The following GLI2 variants were observed in gnomAD, a reference collection of about 807,000 sequenced individuals.
GLI2 encodes the protein GLI family zinc finger 2.
In GLI2, 22 loss-of-function variants were observed where a neutral mutation model predicts 78.9. That is an observed-to-expected ratio of 0.28 (90% CI 0.20 to 0.40). The LOEUF (loss-of-function observed/expected upper bound fraction) is 0.40, where lower values mean the gene tolerates loss of function less well. Among genes scored for constraint, GLI2 ranks in the 10% least tolerant of loss-of-function variants. GLI2 has a pLI of 1.00. For missense variants in GLI2, 2,097 were observed against 2,213.2 expected (o/e 0.95, Z 1.05); for synonymous variants, 974 against 963.7 (o/e 1.01, Z -0.20).
At position 120,982,864 on chromosome 2, in the gene GLI2, G is replaced by A; in HGVS notation, c.1616G>A (p.Arg539His). Residue 539 changes from arginine to histidine, a missense_variant, in exon 11 of 14, where the codon CGC (arginine) becomes CAC (histidine). By Grantham distance (29) the Arg-to-His change is conservative. Around this residue, in one of 5 missense-constraint regions of GLI2, gnomAD observed 104 missense variants for 190.6 expected, o/e 0.55. Transcript: ENST00000361492. ...NASDRAKHQN[R>H]THSNEKPYIC... ...TCGGACCGCGCCAAGCACCAGAATC[G>A]CACCCACTCCAACGAGGTACCTCTG... is the stretch of plus-strand genomic sequence containing the variant. 5.6e-6 allele frequency: 9 copies of A among 1,613,972 alleles called. No individual in the cohort carries two copies. The highest frequency in any genetic ancestry group is 7.6e-6 in the Non-Finnish European group (9 of 1,179,928).
chr2:120,772,456 G>A (rs1180952443), intron 1 of GLI2, among the ~76,000 whole-genome samples: 5 of 152,138 alleles, frequency 3.3e-5, no homozygotes, highest in African/African-American at 4.8e-5. Context: ...GTGGAGCCTC[G>A]CAGCCAGGGA....
intron 12 of GLI2, among the ~76,000 whole-genome samples, chr2:120,985,036 C>A (rs976491702): frequency 1.3e-5 from 2 of 152,186 alleles, no homozygotes; most frequent in East Asian, 3.9e-4. Context: ...GTGGCCCCTG[C>A]AAGTCTGCCT....
rs146559670 is a variant in GLI2, at chr2:120,738,260, A to G, written c.-31+1975A>G. Among the ~76,000 whole-genome samples the G allele has an allele frequency of 1.7e-3, 266 of 152,222 alleles. 1 individual carries two copies. The highest frequency in any genetic ancestry group is 5.0e-3 in the African/African-American group (209 of 41,542). On this transcript the variant is annotated intron_variant, in intron 1 of 13. Coordinates refer to ENST00000361492, the MANE Select transcript of GLI2 (RefSeq NM_001374353.1). ...CAGGGGCCTTCTCTTCTTTTTGACT[A>G]TGCTTCTTGTGCCTCTTTCTTCATC...
chr2:120,923,949 C>G (rs1161549544), intron 2 of GLI2, among the ~76,000 whole-genome samples: 3 of 152,184 alleles, frequency 2.0e-5, no homozygotes, highest in African/African-American at 7.2e-5. Flanking sequence ...TGGCAAACCA[C>G]TGAAGCTCAC....
chr2:120,803,591 G>C (rs1401624549), intron 2 of GLI2, among the ~76,000 whole-genome samples: 1 of 152,194 alleles, frequency 6.6e-6, no homozygotes, highest in Non-Finnish European at 1.5e-5. Context: ...CTGGAAATCA[G>C]ACCTGGGTGC....
At chr2:120,899,424 C>T (rs993035715) in intron 2 of GLI2, among the ~76,000 whole-genome samples, 1 of 119,124 alleles carries the variant, frequency 8.4e-6, no homozygotes. Flanking sequence ...CACACACACA[C>T]ACACATACAC....
intron 2 of GLI2, among the ~76,000 whole-genome samples, chr2:120,887,241 G>T (rs919658944): frequency 3.9e-5 from 6 of 152,214 alleles, no homozygotes; most frequent in Non-Finnish European, 8.8e-5. Flanking sequence ...GCTTGTGGGA[G>T]GGAACATCCC....
Position 120,764,797 on chromosome 2 carries a change from C to T in GLI2, c.-31+28512C>T, listed in dbSNP as rs115870768. 7.6e-3 allele frequency among the ~76,000 whole-genome samples: 1,165 copies of T among 152,320 alleles called. 15 individuals are homozygous for T. Among genetic ancestry groups the T allele is most frequent in the African/African-American group, 0.026 (1,086 of 41,566 alleles). ...CTTTTTGCATGTTTGCCCAGCATTTCTAAAATTCACATAACGTGGAACATC... is the reference window on the plus strand; with the variant it reads ...CTTTTTGCATGTTTGCCCAGCATTTTTAAAATTCACATAACGTGGAACATC... On this transcript the variant is annotated intron_variant, in intron 1 of 13. Coordinates refer to ENST00000361492, the MANE Select transcript of GLI2 (RefSeq NM_001374353.1).
intron 2 of GLI2, among the ~76,000 whole-genome samples, chr2:120,907,533 C>T (rs976462457): frequency 5.9e-5 from 9 of 152,176 alleles, no homozygotes; most frequent in Non-Finnish European, 1.3e-4. Flanking sequence ...TTTTGCTTCT[C>T]ACGTTATTCA....
At chr2:120,743,634 T>C (rs1313475149) in intron 1 of GLI2, among the ~76,000 whole-genome samples, 1 of 152,220 alleles carries the variant, frequency 6.6e-6, no homozygotes, top group African/African-American at 2.4e-5. Context: ...GAGTGATGGA[T>C]GGCTGCAATA....
At chr2:120,894,063 C>G (rs970542815) in intron 2 of GLI2, among the ~76,000 whole-genome samples, 3 of 152,154 alleles carry the variant, frequency 2.0e-5, no homozygotes, top group South Asian at 2.1e-4. Context: ...GGCTGAGGCC[C>G]GAGAGGCCTA....
At position 120,805,234 on chromosome 2, in the gene GLI2, G is replaced by T. The variant is rs536171519; in HGVS notation, c.148+7766G>T. Among the ~76,000 whole-genome samples the T allele has an allele frequency of 3.3e-5, 5 of 152,362 alleles. No homozygotes were observed. In the East Asian group the frequency reaches 7.7e-4, roughly 23 times the overall value. Reference sequence around the variant, plus strand: ...TCTCTGCTTCTGGCCGCAGCCCGGGGTCTGGACTCTGGGAGGCTCTCCTGG... The same window carrying T: ...TCTCTGCTTCTGGCCGCAGCCCGGGTTCTGGACTCTGGGAGGCTCTCCTGG... On this transcript the variant is annotated intron_variant, in intron 2 of 13. Coordinates refer to ENST00000361492, the MANE Select transcript of GLI2 (RefSeq NM_001374353.1).
rs1683244238 is a variant in GLI2 at position 120,990,465 on chromosome 2, T to C, written c.4500T>C (p.Asp1500=). 6.2e-7 allele frequency: 1 copy of C among 1,613,962 alleles called. No individual in the cohort carries two copies. The highest frequency in any genetic ancestry group is 8.5e-7 in the Non-Finnish European group (1 of 1,179,976). ...AGATTGACTTCGATGCCATCATGGATGATGGCGATCACTCGAGTTTGTTCT... is the reference window on the plus strand; with the variant it reads ...AGATTGACTTCGATGCCATCATGGACGATGGCGATCACTCGAGTTTGTTCT... The part of the protein sequence containing the change: ...APQIDFDAIM[D]DGDHSSLFSG... The change falls in exon 14 of 14, where the codon GAT becomes GAC. Residue 1500 remains aspartate, a synonymous_variant. Transcript: ENST00000361492.
intron 2 of GLI2, among the ~76,000 whole-genome samples, chr2:120,924,625 T>G (rs956198216): frequency 1.3e-5 from 2 of 152,174 alleles, no homozygotes; most frequent in Non-Finnish European, 2.9e-5. Flanking sequence ...CCCTGCCATG[T>G]TTTTAAGGCC....
chr2:120,741,815 A>G (rs1284398493), intron 1 of GLI2, among the ~76,000 whole-genome samples: 2 of 152,092 alleles, frequency 1.3e-5, no homozygotes, highest in African/African-American at 4.8e-5. Flanking sequence ...CTCCCAAACA[A>G]TGGCCACATT....
At chr2:120,978,343 G>A in intron 9 of GLI2, 91 bp from the exon 10 acceptor site, 2 of 1,422,954 alleles carry the variant, frequency 1.4e-6, no homozygotes, top group Admixed American at 1.7e-5. Context: ...AGGGCTGGGG[G>A]GGTGCCGGTG....
rs59909015 is a variant in GLI2 at position 120,929,079 on chromosome 2, T to C, written c.254+1613T>C. On this transcript the variant is annotated intron_variant, in intron 3 of 13. Transcript: ENST00000361492. Reference sequence around the variant, plus strand: ...TCATGACCTTGGCAGTTTTAAAGAGTACTGGCCAGTTACTATATAAGATGT... The same window carrying C: ...TCATGACCTTGGCAGTTTTAAAGAGCACTGGCCAGTTACTATATAAGATGT... Among the ~76,000 whole-genome samples, 12 of 152,290 alleles carry C rather than the reference T, an allele frequency of 7.9e-5. No individual in the cohort carries two copies. The East Asian group carries it at 1.2e-3, about 15-fold the overall frequency.
At chr2:120,840,422 A>G (rs1436970981) in intron 2 of GLI2, among the ~76,000 whole-genome samples, 2 of 152,128 alleles carry the variant, frequency 1.3e-5, no homozygotes, top group Non-Finnish European at 1.5e-5. Context: ...ACGCGTGTGC[A>G]TGGGCACTTT....
intron 1 of GLI2, among the ~76,000 whole-genome samples, chr2:120,773,967 T>G (rs956131400): frequency 4.4e-4 from 49 of 112,112 alleles, no homozygotes; most frequent in African/African-American, 1.6e-3. Flanking sequence ...CCCTCCCTCC[T>G]TCCCTCTCTC....
Sources: allele counts gnomAD v4.1 joint callset (sites outside exome capture counted in the v4.1 genomes callset), GRCh38; gene constraint gnomAD v4.1.1; regional missense constraint gnomAD v4.1.1; transcripts MANE v1.5; gene names NCBI Gene and HGNC (gene_info 2026-07-23, HGNC 2026-07-21).